Variants in PAPPA observed in about 807,000 individuals in gnomAD.
The protein encoded by PAPPA is pappalysin-1.
In PAPPA, 60 loss-of-function variants were observed where a neutral mutation model predicts 164.0. The observed-to-expected ratio is 0.37, with a 90% CI of 0.30 to 0.45. PAPPA has a LOEUF of 0.45. Ranked by LOEUF, PAPPA falls within the 20% of genes least tolerant of loss-of-function variation. The probability of loss-of-function intolerance (pLI) is 1.00; values close to 1 mark genes in which losing one functional copy is unlikely to be tolerated. For synonymous variants in PAPPA, 875 were observed against 814.1 expected, an observed-to-expected ratio of 1.07 and a Z score of -1.27; for missense variants, 1,782 against 2,087.3, an observed-to-expected ratio of 0.85 and a Z score of 2.85.
Position 116,344,549 on chromosome 9 carries a change from G to A in PAPPA, c.3618G>A (p.Val1206=). 1 of 1,612,480 alleles carries A rather than the reference G, an allele frequency of 6.2e-7. No homozygotes were observed. Among genetic ancestry groups the A allele is most frequent in the East Asian group, 2.2e-5 (1 of 44,800 alleles). ...ETYSPAEQSC[V]HFACEKTDCP... is the part of the protein sequence containing the mutation. Reference sequence around the variant, plus strand: ...TCGTTTCTTTCCTCCCCAGCTGCGTGCACTTCGCATGTGAGAAAACTGACT... The same window carrying A: ...TCGTTTCTTTCCTCCCCAGCTGCGTACACTTCGCATGTGAGAAAACTGACT... Residue 1206 remains valine (V), a synonymous_variant, in exon 14 of 22, where the codon GTG becomes GTA. Transcript: ENST00000328252.
intron 10 of PAPPA, among the ~76,000 whole-genome samples, chr9:116,321,635 C>A (rs553994783): frequency 1.3e-5 from 2 of 152,166 alleles, no homozygotes; most frequent in African/African-American, 2.4e-5. Flanking sequence ...CCCTTTCCTG[C>A]ACTACATGGT....
chr9:116,155,160 A>C (rs909664476), intron 1 of PAPPA, among the ~76,000 whole-genome samples: 1 of 152,028 alleles, frequency 6.6e-6, no homozygotes, highest in South Asian at 2.1e-4. Context: ...ACGCCATCCC[A>C]TGTCCTAGCT....
chr9:116,342,949 C>T (rs551937202), intron 13 of PAPPA, among the ~76,000 whole-genome samples: 22 of 152,284 alleles, frequency 1.4e-4, no homozygotes, highest in Non-Finnish European at 2.6e-4. Flanking sequence ...ATTTAGGAAA[C>T]ATCTGCAAGG....
intron 1 of PAPPA, among the ~76,000 whole-genome samples, chr9:116,157,549 T>A (rs2118969054): frequency 6.6e-6 from 1 of 152,160 alleles, no homozygotes; most frequent in African/African-American, 2.4e-5. Context: ...CCTCAGAGGT[T>A]ACCCAAGCCA....
intron 1 of PAPPA, among the ~76,000 whole-genome samples, chr9:116,182,936 G>A (rs535075595): frequency 2.0e-5 from 3 of 152,106 alleles, no homozygotes; most frequent in Non-Finnish European, 4.4e-5. Context: ...GCTCTTGCAC[G>A]CTTTCATTGT....
intron 10 of PAPPA, among the ~76,000 whole-genome samples, chr9:116,329,797 C>T (rs1845966836): frequency 6.6e-6 from 1 of 152,176 alleles, no homozygotes; most frequent in African/African-American, 2.4e-5. Flanking sequence ...CCATACTGAG[C>T]CAAGTGTTAA....
intron 9 of PAPPA, among the ~76,000 whole-genome samples, chr9:116,292,052 GCTTA>G (rs1263385885): frequency 1.3e-5 from 2 of 152,166 alleles, no homozygotes; most frequent in African/African-American, 4.8e-5. Context: ...GTTCTTGGAT[GCTTA>G]CTTAAGGAAT....
intron 7 of PAPPA, among the ~76,000 whole-genome samples, chr9:116,254,844 C>T: frequency 6.6e-6 from 1 of 150,702 alleles, no homozygotes; most frequent in East Asian, 2.0e-4. Flanking sequence ...CCAAAACGTT[C>T]CTGGTAGCTG....
Position 116,271,028 on chromosome 9 carries a change from G to C in PAPPA, c.2862-297G>C, listed in dbSNP as rs1419407150. The stretch of plus-strand genomic sequence containing the variant: ...AGCAAGACCATTTATTTGTTCATTA[G>C]TTCTTCCATGTCTTACTCCCATCTG... On this transcript the variant is annotated intron_variant, in intron 8 of 21. Coordinates refer to ENST00000328252, the MANE Select transcript of PAPPA (RefSeq NM_002581.5). This position sits in a 1 kb window ranked among gnomAD's most constrained non-coding sequence, Gnocchi z 4.2. Among the ~76,000 whole-genome samples the C allele has an allele frequency of 6.6e-6, 1 of 152,150 alleles. No individual in the cohort carries two copies. The highest frequency in any genetic ancestry group is 1.5e-5 in the Non-Finnish European group (1 of 68,022).
chr9:116,277,400 C>G (rs180987451), intron 9 of PAPPA, among the ~76,000 whole-genome samples: 50 of 152,118 alleles, frequency 3.3e-4, no homozygotes, highest in African/African-American at 3.4e-4. Context: ...AATATCTCAG[C>G]TAGGTTGGTG....
At chr9:116,235,967 T>A (rs889667238) in intron 7 of PAPPA, among the ~76,000 whole-genome samples, 1 of 152,192 alleles carries the variant, frequency 6.6e-6, no homozygotes, top group Admixed American at 6.5e-5. Flanking sequence ...TTATTACTAA[T>A]GAAAGTAGAA....
At chr9:116,173,213 T>G (rs74316470) in intron 1 of PAPPA, among the ~76,000 whole-genome samples, 5,215 of 152,228 alleles carry the variant, frequency 0.034, 312 homozygotes, top group African/African-American at 0.12. Context: ...CCTTAAAGCG[T>G]TTTTTGAGTT....
chr9:116,255,727 A>G (rs555498593), intron 7 of PAPPA, among the ~76,000 whole-genome samples: 1 of 152,052 alleles, frequency 6.6e-6, no homozygotes, highest in East Asian at 2.0e-4. Context: ...CACTTTTAAA[A>G]TAAGGATTTT....
intron 7 of PAPPA, among the ~76,000 whole-genome samples, chr9:116,256,660 T>G (rs909659509): frequency 6.6e-6 from 1 of 152,030 alleles, no homozygotes; most frequent in Non-Finnish European, 1.5e-5. Flanking sequence ...GAAGATATTA[T>G]GATTTACAAC....
At chr9:116,294,838 C>G (rs960224770) in intron 9 of PAPPA, among the ~76,000 whole-genome samples, 13 of 152,088 alleles carry the variant, frequency 8.5e-5, no homozygotes, top group Non-Finnish European at 1.9e-4. Flanking sequence ...AATCGTTGGA[C>G]TAAAAGAGAA....
rs140801852 is a variant in PAPPA at position 116,187,416 on chromosome 9, C to A, written c.678C>A (p.Gly226=). The A allele has an allele frequency of 4.6e-5, 74 of 1,614,098 alleles. No individual in the cohort carries two copies. The African/African-American group carries it at 7.1e-4, about 15-fold the overall frequency. The part of the protein sequence containing the change: ...QVATSGEQVG[G]IFSPLTQKCK... Reference sequence around the variant, plus strand: ...CCACCTCTGGGGAACAAGTGGGTGGCATATTCAGCCCACTGACCCAGAAGT... The same window carrying A: ...CCACCTCTGGGGAACAAGTGGGTGGAATATTCAGCCCACTGACCCAGAAGT... Residue 226 remains glycine, a synonymous_variant, in exon 2 of 22, where the codon GGC becomes GGA. Coordinates refer to ENST00000328252, the MANE Select transcript of PAPPA (RefSeq NM_002581.5). This position sits in a 1 kb window ranked among gnomAD's most constrained non-coding sequence, Gnocchi z 4.2.
At chr9:116,303,918 TTTTG>T (rs1845611839) in intron 10 of PAPPA, among the ~76,000 whole-genome samples, 1 of 152,238 alleles carries the variant, frequency 6.6e-6, no homozygotes, top group African/African-American at 2.4e-5. Flanking sequence ...TTCATTCACT[TTTTG>T]TTTATGTTTA....
chr9:116,352,835 A>G lies in PAPPA; in HGVS notation c.4094A>G (p.Asn1365Ser). 4 of 1,614,060 alleles carry G rather than the reference A, an allele frequency of 2.5e-6. No homozygotes were observed. The highest frequency in any genetic ancestry group is 3.4e-6 in the Non-Finnish European group (4 of 1,179,966). ...CTCCAGACCGCCCGGTGCCGAGAGA[A>G]TAAGCACAAGGTGGGCTCCTTCTGC... ...ADLQTARCRE[N>S]KHKVGSFCKY... Residue 1365 changes from asparagine to serine, a missense_variant, in exon 16 of 22, where the codon AAT becomes AGT. Transcript: ENST00000328252.
At chr9:116,345,318 G>C (rs1422209395) in intron 14 of PAPPA, among the ~76,000 whole-genome samples, 4 of 151,870 alleles carry the variant, frequency 2.6e-5, no homozygotes, top group Non-Finnish European at 5.9e-5. Context: ...AGGTGCCTTG[G>C]AAAAGTGACA....
Sources: allele counts gnomAD v4.1 joint callset (sites outside exome capture counted in the v4.1 genomes callset), GRCh38; gene constraint gnomAD v4.1.1; non-coding constraint Gnocchi (gnomAD v3.1); transcripts MANE v1.5; gene names NCBI Gene and HGNC (gene_info 2026-07-23, HGNC 2026-07-21).